ATP8B3: variants seen among roughly 807,000 people sequenced by gnomAD.
ATP8B3 encodes the protein ATPase phospholipid transporting 8B3.
ATP8B3 carries 141 observed loss-of-function variants against 140.9 expected under a neutral mutation model. That is an observed-to-expected ratio of 1.00 (90% confidence interval 0.87 to 1.15). ATP8B3 has a LOEUF of 1.15. Among genes scored for constraint, ATP8B3 ranks in the 50% most tolerant of loss-of-function variants. The pLI is 0.00. For synonymous variants in ATP8B3, 765 were observed against 714.6 expected, an observed-to-expected ratio of 1.07 and a Z score of -1.13; for missense variants, 1,874 against 1,740.6, an observed-to-expected ratio of 1.08 and a Z score of -1.36.
chr19:1,791,942 C>T (rs2068523730), intron 19 of ATP8B3, 59 bp downstream of exon 19: 1 of 1,582,068 alleles, frequency 6.3e-7, no homozygotes, highest in Non-Finnish European at 8.6e-7. Flanking sequence ...GTCCCAGGGC[C>T]CCCTTGGGTG....
In ATP8B3 at chr19:1,792,154, G is replaced by T. The variant is rs771277026; in HGVS notation, c.2056-19C>A. ...CAAAGGCCTGGGGGCCGGGCAGGTG[G>T]AAGCTGTCACCATGCTGAAGCCGAC... On this transcript the variant is annotated intron_variant, in intron 18 of 28. Coordinates refer to ENST00000310127, the MANE Select transcript of ATP8B3 (RefSeq NM_138813.4). 6.4e-7 allele frequency: 1 copy of T among 1,557,224 alleles called. No individual in the cohort carries two copies. Among genetic ancestry groups the T allele is most frequent in the South Asian group, 1.2e-5 (1 of 85,612 alleles).
rs1011642568 is a variant in ATP8B3, at chr19:1,805,219, C to G, written c.904+155G>C. 2.7e-6 allele frequency: 2 copies of G among 727,538 alleles called. No individual in the cohort carries two copies. Among genetic ancestry groups the G allele is most frequent in the African/African-American group, 3.5e-5 (2 of 57,606 alleles). 45.1% of individuals were successfully genotyped at this position (727,538 alleles called of 1,614,324 possible). A position where few individuals can be genotyped will look rare whatever the true frequency, so the allele number is the denominator to read the frequency against. ...TGAATTCCTGGGCTGAAGTGATTCT[C>G]CTGCCTCAGCCTCCCAAAGTGCTGG... On this transcript the variant is annotated intron_variant, in intron 10 of 28. Transcript: ENST00000310127. The surrounding 1 kb of genome is among the most constrained non-coding windows in gnomAD (Gnocchi z 5.2).
In ATP8B3 at chr19:1,805,101, A is replaced by T. The variant is rs568603290; in HGVS notation, c.904+273T>A. ...AGCGAGCCTCCCACCTCAGCCTCCC[A>T]AGTAGCTGGGACCACCGGCATGTGC... On this transcript the variant is annotated intron_variant, in intron 10 of 28. Coordinates refer to ENST00000310127, the MANE Select transcript of ATP8B3 (RefSeq NM_138813.4). This position sits in a 1 kb window ranked among gnomAD's most constrained non-coding sequence, Gnocchi z 5.2. 9.1e-6 allele frequency: 4 copies of T among 437,600 alleles called. No individual in the cohort carries two copies. Among genetic ancestry groups the T allele is most frequent in the African/African-American group, 8.0e-5 (4 of 49,774 alleles). 27.1% of individuals were successfully genotyped at this position (437,600 alleles called of 1,614,324 possible). A position where few individuals can be genotyped will look rare whatever the true frequency, so the allele number is the denominator to read the frequency against.
chr19:1,790,804 G>A lies in ATP8B3; in HGVS notation c.2331C>T (p.Cys777=). ...QETAVNIGFA[C]ELLSENMLIL... ...TGAGCATATTCTCTGACAGCAGCTC[G>A]CAGGCGAAGCCGATGTTCACAGCCG... The change falls in exon 21 of 29, where the codon TGC becomes TGT. Residue 777 remains cysteine, a synonymous_variant. Coordinates refer to ENST00000310127, the MANE Select transcript of ATP8B3 (RefSeq NM_138813.4). The A allele has an allele frequency of 1.2e-6, 2 of 1,604,276 alleles. No homozygotes were observed. The highest frequency in any genetic ancestry group is 1.1e-5 in the South Asian group (1 of 89,296).
In ATP8B3 at chr19:1,811,699, C is replaced by T; in HGVS notation, c.38G>A (p.Arg13Lys). ...GGCAGGGCTTGGCTCAGGGCCAGCT[C>T]TGGTGCTCCTGGGAGTCTGAGCGGG... ...TGPAQTPRST[R>K]AGPEPSPAPP... The change falls in exon 2 of 29, where the codon AGA becomes AAA. Residue 13 changes from arginine (R) to lysine (K), a missense_variant. This residue lies in a region of ATP8B3 where 1,032 missense variants were observed against 963.6 expected (regional missense o/e 1.07). Transcript: ENST00000310127. The T allele has an allele frequency of 6.2e-7, 1 of 1,605,088 alleles. No individual in the cohort carries two copies. The highest frequency in any genetic ancestry group is 8.5e-7 in the Non-Finnish European group (1 of 1,178,936).
In ATP8B3 at chr19:1,799,782, T is replaced by G. The variant is rs937304839; in HGVS notation, c.1552+165A>C. 1.6e-5 allele frequency: 11 copies of G among 707,086 alleles called. No homozygotes were observed. The African/African-American group carries it at 1.8e-4, about 12-fold the overall frequency. 43.8% of individuals were successfully genotyped at this position (707,086 alleles called of 1,614,324 possible). On this transcript the variant is annotated intron_variant, in intron 14 of 28. Transcript: ENST00000310127. Reference sequence around the variant, plus strand: ...TCTGCCTCAAAAAAAAAAAAAAATTTTCCTGGCCCCCTCCAAAGGAAACCA... The same window carrying G: ...TCTGCCTCAAAAAAAAAAAAAAATTGTCCTGGCCCCCTCCAAAGGAAACCA...
Position 1,806,578 on chromosome 19 carries a change from G to A in ATP8B3, c.677+50C>T. 6.5e-7 allele frequency: 1 copy of A among 1,549,136 alleles called. No homozygotes were observed. The highest frequency in any genetic ancestry group is 8.7e-7 in the Non-Finnish European group (1 of 1,146,636). On this transcript the variant is annotated intron_variant, in intron 7 of 28. Transcript: ENST00000310127. The surrounding 1 kb of genome is among the most constrained non-coding windows in gnomAD (Gnocchi z 5.6). ...TTGCCGAGGCCGATGACCCTGCTGGGCTGGAGCCCCCGTGTCCCCGCGGAT... is the reference window on the plus strand; with the variant it reads ...TTGCCGAGGCCGATGACCCTGCTGGACTGGAGCCCCCGTGTCCCCGCGGAT...
rs374269403 is a variant in ATP8B3 at position 1,807,130 on chromosome 19, G to A, written c.615+38C>T. On this transcript the variant is annotated intron_variant, in intron 6 of 28. Transcript: ENST00000310127. The surrounding 1 kb of genome is among the most constrained non-coding windows in gnomAD (Gnocchi z 5.9). The stretch of plus-strand genomic sequence containing the variant: ...TCAAGAGACCCCCCCGACCGGCCCC[G>A]CTCCCTCCCCCAGGCAGCTGCATCC... The A allele has an allele frequency of 1.3e-5, 20 of 1,550,042 alleles. No individual in the cohort carries two copies. The highest frequency in any genetic ancestry group is 5.5e-5 in the African/African-American group (4 of 73,022).
chr19:1,808,485 G>T, intron 4 of ATP8B3, 150 bp from the exon 5 acceptor site: 3 of 610,842 alleles, frequency 4.9e-6, no homozygotes, highest in Non-Finnish European at 6.1e-6. Flanking sequence ...TACTGAGCCA[G>T]CAGTTACTGA....
At position 1,797,721 on chromosome 19, in the gene ATP8B3, A is replaced by G. The variant is rs539361281; in HGVS notation, c.1553-716T>C. On this transcript the variant is annotated intron_variant, in intron 14 of 28. Transcript: ENST00000310127. ...CACCATGTTGGCCAGGCTGGTCTCA[A>G]ACTCCTGACCTCCAGTGATCCGCCC... 1.4e-3 allele frequency among the ~76,000 whole-genome samples: 207 copies of G among 151,666 alleles called. 5 individuals carry two copies. The South Asian group carries it at 0.027, about 20-fold the overall frequency.
intron 21 of ATP8B3, 63 bp downstream of exon 21, chr19:1,790,694 T>A: frequency 6.0e-6 from 6 of 1,000,966 alleles, no homozygotes; most frequent in East Asian, 6.9e-5. Flanking sequence ...GACACGCACC[T>A]GGGTGCTCCT....
chr19:1,802,742 A>T (rs1310693637), intron 10 of ATP8B3, 97 bp from the exon 11 acceptor site: 1 of 1,423,682 alleles, frequency 7.0e-7, no homozygotes, highest in East Asian at 2.5e-5. Flanking sequence ...GGCCACCCTC[A>T]CGAGCCCCTC....
intron 24 of ATP8B3, among the ~76,000 whole-genome samples, chr19:1,788,693 A>C (rs2068382829): frequency 6.6e-6 from 1 of 152,188 alleles, no homozygotes; most frequent in Non-Finnish European, 1.5e-5. Flanking sequence ...GGTGTTGGGC[A>C]CAGAGCTAGA....
At chr19:1,783,507 C>A (rs1038461979) in intron 28 of ATP8B3, among the ~76,000 whole-genome samples, 4 of 152,248 alleles carry the variant, frequency 2.6e-5, no homozygotes, top group Non-Finnish European at 5.9e-5. Flanking sequence ...GAAACTAACC[C>A]TGGATCAGCC....
In ATP8B3 at chr19:1,800,140, G is replaced by A. The variant is rs2068798114; in HGVS notation, c.1359C>T (p.Tyr453=). 1 of 1,558,908 alleles carries A rather than the reference G, an allele frequency of 6.4e-7. No individual in the cohort carries two copies. ...AGTCGATGAAGACGCTGTTCCCCAG[G>A]TAGATGAACTCGGACCTGCAGAGGC... ...MSMFILSEFI[Y]LGNSVFIDWD... Residue 453 remains tyrosine (Y), a synonymous_variant, in exon 14 of 29, where the codon TAC becomes TAT. Coordinates refer to ENST00000310127, the MANE Select transcript of ATP8B3 (RefSeq NM_138813.4). The surrounding 1 kb of genome is among the most constrained non-coding windows in gnomAD (Gnocchi z 4.4).
intron 2 of ATP8B3, 22 bp from the exon 3 acceptor site, chr19:1,810,705 G>T (rs1465546459): frequency 1.9e-6 from 3 of 1,607,838 alleles, no homozygotes; most frequent in Non-Finnish European, 2.5e-6. Flanking sequence ...AAGGGCCCCG[G>T]GTCACAGCAG....
chr19:1,792,738 C>T (rs1413837837), intron 18 of ATP8B3, among the ~76,000 whole-genome samples: 10 of 151,874 alleles, frequency 6.6e-5, no homozygotes, highest in African/African-American at 1.2e-4. Flanking sequence ...ACGGTGAAAC[C>T]GCGTCTCCAC....
Position 1,784,941 on chromosome 19 carries a change from C to A in ATP8B3, c.3538G>T (p.Asp1180Tyr). 6.2e-7 allele frequency: 1 copy of A among 1,609,496 alleles called. No individual in the cohort carries two copies. The highest frequency in any genetic ancestry group is 8.5e-7 in the Non-Finnish European group (1 of 1,177,850). The part of the protein sequence containing the change: ...SPTTFPFLYA[D>Y]LSVMSSPSIL... ...GAGGGAGAGGACATCACGCTGAGGT[C>A]GGCATCTGGGGACAGGGCGGGGTCA... Residue 1180 changes from aspartate (D) to tyrosine (Y), a missense_variant, in exon 28 of 29, where the codon GAC becomes TAC. Physicochemically the swap from Asp to Tyr is radical, Grantham distance 160. Transcript: ENST00000310127.
intron 16 of ATP8B3, 140 bp downstream of exon 16, chr19:1,796,571 G>T: frequency 1.8e-6 from 2 of 1,142,542 alleles, no homozygotes; most frequent in Non-Finnish European, 2.4e-6. Flanking sequence ...CTCGAGGTGC[G>T]GCTGGTGTCA....
Sources: allele counts gnomAD v4.1 joint callset (sites outside exome capture counted in the v4.1 genomes callset), GRCh38; gene constraint gnomAD v4.1.1; regional missense constraint gnomAD v4.1.1; non-coding constraint Gnocchi (gnomAD v3.1); transcripts MANE v1.5; gene names NCBI Gene and HGNC (gene_info 2026-07-23, HGNC 2026-07-21).